Variants in CACNA1C observed in about 807,000 individuals in gnomAD.
CACNA1C encodes the protein calcium voltage-gated channel subunit alpha1 C.
CACNA1C carries 30 observed loss-of-function variants against 229.0 expected under a neutral mutation model. The observed-to-expected ratio is 0.13, with a 90% CI of 0.10 to 0.18. The LOEUF is 0.18. CACNA1C is among the 10% of genes least tolerant of loss of function. The pLI, the probability that CACNA1C is intolerant of heterozygous loss-of-function variation, is 1.00. For synonymous variants in CACNA1C, 1,114 were observed against 1,132.5 expected, an observed-to-expected ratio of 0.98 and a Z score of 0.33; for missense variants, 1,658 against 2,845.0, an observed-to-expected ratio of 0.58 and a Z score of 9.49.
rs1245422358 is a variant in CACNA1C at position 2,682,537 on chromosome 12, T to C, written c.5445-13T>C. The C allele has an allele frequency of 2.5e-6, 4 of 1,610,520 alleles. No homozygotes were observed. The highest frequency in any genetic ancestry group is 3.4e-5 in the Admixed American group (2 of 59,632). The stretch of plus-strand genomic sequence containing the variant: ...GCAGTTTCTGATGTTTTTCTTCATC[T>C]TGGATATTGTAGGTGCCACTCCCGG... On this transcript the variant is annotated splice_polypyrimidine_tract_variant and intron_variant, in intron 42 of 46. Transcript: ENST00000399655.
chr12:2,381,940 A>G (rs2098259859), intron 3 of CACNA1C, among the ~76,000 whole-genome samples: 1 of 152,240 alleles, frequency 6.6e-6, no homozygotes, highest in Non-Finnish European at 1.5e-5. Context: ...GATGGATCCC[A>G]GGGACAGCCC....
intron 3 of CACNA1C, among the ~76,000 whole-genome samples, chr12:2,198,252 C>T (rs1297713217): frequency 2.6e-5 from 4 of 152,194 alleles, no homozygotes; most frequent in South Asian, 2.1e-4. Context: ...GCATCTTCTG[C>T]AGCAAGCAGG....
rs2099741293 is a variant in CACNA1C at position 2,493,862 on chromosome 12, A to G, written c.1113+476A>G. Reference sequence around the variant, plus strand: ...AGAAACCATTTTTATTGAATTGTGTAGCATTGTGACATGCTATTCAATTTT... The same window carrying G: ...AGAAACCATTTTTATTGAATTGTGTGGCATTGTGACATGCTATTCAATTTT... On this transcript the variant is annotated intron_variant, in intron 7 of 46. Transcript: ENST00000399655. This position sits in a 1 kb window ranked among gnomAD's most constrained non-coding sequence, Gnocchi z 4.6. Among the ~76,000 whole-genome samples, 1 of 152,262 alleles carries G rather than the reference A, an allele frequency of 6.6e-6. No homozygotes were observed. The highest frequency in any genetic ancestry group is 1.5e-5 in the Non-Finnish European group (1 of 68,048).
chr12:2,405,105 G>A (rs190016006), intron 3 of CACNA1C, among the ~76,000 whole-genome samples: 64 of 152,256 alleles, frequency 4.2e-4, no homozygotes, highest in Non-Finnish European at 7.2e-4. Context: ...GAATACGGAC[G>A]GGATATAGAT....
chr12:2,203,919 G>T (rs186630538), intron 3 of CACNA1C, among the ~76,000 whole-genome samples: 51 of 152,330 alleles, frequency 3.3e-4, no homozygotes, highest in African/African-American at 1.2e-3. Flanking sequence ...TCTTTGCTGC[G>T]TGTGATTTCT....
intron 10 of CACNA1C, among the ~76,000 whole-genome samples, chr12:2,551,308 C>A (rs1357552752): frequency 6.6e-6 from 1 of 152,210 alleles, no homozygotes; most frequent in African/African-American, 2.4e-5. Context: ...GCATGAGGCT[C>A]TGTTAGGAAG....
chr12:2,539,004 G>A (rs957732896), intron 9 of CACNA1C, among the ~76,000 whole-genome samples: 20 of 152,212 alleles, frequency 1.3e-4, no homozygotes, highest in Non-Finnish European at 2.5e-4. Flanking sequence ...GACGTCGCCT[G>A]ATGGGGCTGA....
At chr12:2,129,814 A>G (rs2091657251) in intron 3 of CACNA1C, among the ~76,000 whole-genome samples, 1 of 152,148 alleles carries the variant, frequency 6.6e-6, no homozygotes, top group Non-Finnish European at 1.5e-5. Context: ...TTGGGGTGTC[A>G]GCCTCCTCCA....
intron 3 of CACNA1C, among the ~76,000 whole-genome samples, chr12:2,281,241 G>C (rs959941999): frequency 6.6e-6 from 1 of 151,972 alleles, no homozygotes. Context: ...TTATGCCGTT[G>C]CTGCCATACA....
At chr12:2,180,719 C>T (rs1032203456) in intron 3 of CACNA1C, among the ~76,000 whole-genome samples, 3 of 152,108 alleles carry the variant, frequency 2.0e-5, no homozygotes, top group African/African-American at 7.2e-5. Flanking sequence ...CACAGCGTGT[C>T]CCAGAATCAG....
intron 1 of CACNA1C, chr12:1,993,406 G>C (rs538126639): frequency 6.2e-7 from 1 of 1,606,208 alleles, no homozygotes; most frequent in Non-Finnish European, 8.5e-7. Flanking sequence ...AAATCACAAG[G>C]AGTCAGGGGG....
Position 2,006,220 on chromosome 12 carries a change from C to G in CACNA1C, c.139+35019C>G, listed in dbSNP as rs1048242821. On this transcript the variant is annotated intron_variant, in intron 1 of 46. Transcript: ENST00000682462. ...GTCAGTAGTTCAAGACCAGCCTGGCCAACATGGTGAAACCCCGTCTCTACT... is the reference window on the plus strand; with the variant it reads ...GTCAGTAGTTCAAGACCAGCCTGGCGAACATGGTGAAACCCCGTCTCTACT... Among the ~76,000 whole-genome samples, 11 of 152,058 alleles carry G rather than the reference C, an allele frequency of 7.2e-5. No individual in the cohort carries two copies. In the East Asian group the frequency reaches 7.8e-4, roughly 11 times the overall value.
intron 2 of CACNA1C, 26 bp downstream of exon 2, chr12:2,115,571 A>G (rs1374726183): frequency 4.3e-6 from 7 of 1,610,414 alleles, no homozygotes; most frequent in East Asian, 2.2e-5. Context: ...CGGGCTGGGC[A>G]TGCTCCTGGG....
chr12:2,581,104 A>C (rs2060324190), intron 13 of CACNA1C, among the ~76,000 whole-genome samples: 1 of 152,162 alleles, frequency 6.6e-6, no homozygotes, highest in South Asian at 2.1e-4. Context: ...TGGTGGGGGA[A>C]AAAAAGCTTT....
At chr12:2,252,027 A>C (rs1600743648) in intron 3 of CACNA1C, among the ~76,000 whole-genome samples, 1 of 152,238 alleles carries the variant, frequency 6.6e-6, no homozygotes, top group African/African-American at 2.4e-5. Flanking sequence ...AGCATGGTGG[A>C]TGGAGTTTGT....
intron 3 of CACNA1C, among the ~76,000 whole-genome samples, chr12:2,340,999 C>T (rs1039452174): frequency 2.6e-5 from 4 of 152,028 alleles, no homozygotes; most frequent in Non-Finnish European, 4.4e-5. Context: ...TGAAATACAG[C>T]GATACGGCAG....
At chr12:2,024,815 C>G (rs910924199) in intron 1 of CACNA1C, among the ~76,000 whole-genome samples, 2 of 152,208 alleles carry the variant, frequency 1.3e-5, no homozygotes, top group Admixed American at 1.3e-4. Context: ...TTATATGCAA[C>G]AAACCACGAA....
intron 3 of CACNA1C, among the ~76,000 whole-genome samples, chr12:2,212,654 T>A (rs11062157): frequency 0.2 from 31,030 of 152,218 alleles, 4,185 homozygotes; most frequent in Non-Finnish European, 0.3. Flanking sequence ...TTTACTGTTT[T>A]ATCTAGAATG....
chr12:2,665,769 C>G lies in CACNA1C; in HGVS notation c.4526+61C>G. 3 of 1,535,848 alleles carry G rather than the reference C, an allele frequency of 2.0e-6. No homozygotes were observed. In the Admixed American group the frequency reaches 5.9e-5, roughly 30 times the overall value. ...TGAGAGAGGGTATAGCTGACCATAC[C>G]TGCAGGAGGGGCTCAAGGTTGGCCA... On this transcript the variant is annotated intron_variant, in intron 36 of 46. Transcript: ENST00000399655. The surrounding 1 kb of genome is among the most constrained non-coding windows in gnomAD (Gnocchi z 5.9).
Sources: allele counts gnomAD v4.1 joint callset (sites outside exome capture counted in the v4.1 genomes callset), GRCh38; gene constraint gnomAD v4.1.1; non-coding constraint Gnocchi (gnomAD v3.1); transcripts MANE v1.5; gene names NCBI Gene and HGNC (gene_info 2026-07-23, HGNC 2026-07-21).